NRG3: variants seen among roughly 807,000 people sequenced by gnomAD.
NRG3 encodes pro-neuregulin-3, membrane-bound isoform.
NRG3 carries 31 observed loss-of-function variants against 66.9 expected under a neutral mutation model. The observed-to-expected ratio is 0.46, with a 90% confidence interval of 0.35 to 0.63. The LOEUF (loss-of-function observed/expected upper bound fraction) is 0.63. Ranked by LOEUF, NRG3 falls within the 20% of genes least tolerant of loss-of-function variation. The pLI, the probability that NRG3 is intolerant of heterozygous loss-of-function variation, is 0.00. For synonymous variants in NRG3, 393 were observed against 359.4 expected (o/e 1.09, Z -1.06); for missense variants, 910 against 878.9 (o/e 1.04, Z -0.45).
intron 1 of NRG3, among the ~76,000 whole-genome samples, chr10:82,180,597 G>A (rs1308877624): frequency 2.0e-5 from 3 of 151,744 alleles, no homozygotes; most frequent in Admixed American, 1.3e-4. Context: ...AATTCCACTT[G>A]GTAAAAAAGT....
At position 82,368,224 on chromosome 10, in the gene NRG3, C is replaced by G. The variant is rs762485043; in HGVS notation, c.953+9356C>G. On this transcript the variant is annotated intron_variant, in intron 2 of 8. Coordinates refer to ENST00000372141, the MANE Select transcript of NRG3 (RefSeq NM_001010848.4). The stretch of plus-strand genomic sequence containing the variant: ...AGGTATTGTTACTTTATCTGCACAG[C>G]TTTGTTGACAGGTCAGTGTACTTGT... 8.7e-5 allele frequency among the ~76,000 whole-genome samples: 12 copies of G among 137,448 alleles called. 2 individuals carry two copies. Among genetic ancestry groups the G allele is most frequent in the Admixed American group, 1.4e-4 (2 of 14,602 alleles). The allele number at this position is 137,448 out of a possible 152,430, so 90.2% of individuals were successfully genotyped here.
chr10:82,283,076 G>A (rs1589583774), intron 1 of NRG3, among the ~76,000 whole-genome samples: 1 of 152,020 alleles, frequency 6.6e-6, no homozygotes, highest in African/African-American at 2.4e-5. Context: ...TCTACAACAC[G>A]AGTTCTCCTG....
intron 1 of NRG3, among the ~76,000 whole-genome samples, chr10:82,047,123 G>T (rs1350118467): frequency 6.6e-6 from 1 of 151,288 alleles, no homozygotes; most frequent in Non-Finnish European, 1.5e-5. Flanking sequence ...TCTATTGATT[G>T]GAATAGTTTC....
chr10:82,870,022 T>C (rs1841175935), intron 4 of NRG3, among the ~76,000 whole-genome samples: 1 of 150,514 alleles, frequency 6.6e-6, no homozygotes, highest in Non-Finnish European at 1.5e-5. Flanking sequence ...GTGTTTTCAT[T>C]GCTTAATAGC....
intron 1 of NRG3, among the ~76,000 whole-genome samples, chr10:82,219,396 G>T (rs1048142537): frequency 8.6e-5 from 13 of 151,494 alleles, no homozygotes; most frequent in African/African-American, 3.2e-4. Context: ...GGTCCAGACT[G>T]TAAAAATTAT....
At chr10:82,027,772 A>G (rs2062379320) in intron 1 of NRG3, among the ~76,000 whole-genome samples, 1 of 152,062 alleles carries the variant, frequency 6.6e-6, no homozygotes, top group Non-Finnish European at 1.5e-5. Flanking sequence ...TCAGTGTGGG[A>G]TTCTGAAAAG....
intron 1 of NRG3, among the ~76,000 whole-genome samples, chr10:82,209,883 C>T (rs1373664810): frequency 1.3e-5 from 2 of 151,900 alleles, no homozygotes; most frequent in Admixed American, 6.6e-5. Flanking sequence ...AATCTTGGGT[C>T]GTGTGAAGCA....
intron 3 of NRG3, among the ~76,000 whole-genome samples, chr10:82,773,428 G>A (rs917675121): frequency 6.6e-6 from 1 of 151,732 alleles, no homozygotes; most frequent in African/African-American, 2.4e-5. Context: ...TTTTTCCTTG[G>A]GTCATTTGAT....
At chr10:82,029,357 TGGG>T (rs2132859765) in intron 1 of NRG3, among the ~76,000 whole-genome samples, 1 of 152,266 alleles carries the variant, frequency 6.6e-6, no homozygotes, top group South Asian at 2.1e-4. Flanking sequence ...CCAAAGTGAA[TGGG>T]ATTAAATTAA....
chr10:82,690,409 C>T (rs1435885306), intron 2 of NRG3, among the ~76,000 whole-genome samples: 6 of 152,052 alleles, frequency 3.9e-5, no homozygotes, highest in Admixed American at 3.9e-4. Context: ...TAAGCTTTAT[C>T]AAATGGAGAA....
At chr10:82,857,343 AT>A (rs200748940) in intron 3 of NRG3, among the ~76,000 whole-genome samples, 1,871 of 152,316 alleles carry the variant, frequency 0.012, 36 homozygotes, top group African/African-American at 0.038. Flanking sequence ...TAAAGAGATC[AT>A]GCTCTGTAAC....
rs535812014 is a variant in NRG3 at position 81,932,766 on chromosome 10, T to C, written c.823+56603T>C. On this transcript the variant is annotated intron_variant, in intron 1 of 8. Coordinates refer to ENST00000372141, the MANE Select transcript of NRG3 (RefSeq NM_001010848.4). ...AAGATAGTAGGTGTTTGATAGCTTC[T>C]AGTCACCGTCCAAAGGGTCATGGTC... is the stretch of plus-strand genomic sequence containing the variant. Among the ~76,000 whole-genome samples, 5 of 152,306 alleles carry C rather than the reference T, an allele frequency of 3.3e-5. No homozygotes were observed. The East Asian group carries it at 9.7e-4, about 29-fold the overall frequency.
intron 4 of NRG3, among the ~76,000 whole-genome samples, chr10:82,920,379 G>T (rs1160518460): frequency 2.0e-5 from 3 of 152,132 alleles, no homozygotes; most frequent in African/African-American, 7.2e-5. Context: ...AATGATCCAT[G>T]TGGTAATTAA....
chr10:82,978,058 G>A (rs1289419640), intron 7 of NRG3, among the ~76,000 whole-genome samples: 2 of 152,156 alleles, frequency 1.3e-5, no homozygotes, highest in African/African-American at 4.8e-5. Flanking sequence ...TGCAGAACCA[G>A]TGTGACCACA....
chr10:81,957,218 G>C (rs1024273595), intron 1 of NRG3, among the ~76,000 whole-genome samples: 30 of 152,156 alleles, frequency 2.0e-4, no homozygotes, highest in African/African-American at 7.2e-4. Flanking sequence ...CCATCAACCA[G>C]GAACGCCTGC....
chr10:82,359,505 T>C (rs1193981199), intron 2 of NRG3, among the ~76,000 whole-genome samples: 1 of 152,206 alleles, frequency 6.6e-6, no homozygotes, highest in South Asian at 2.1e-4. Context: ...TTAATTGGTT[T>C]TTAGAGACAT....
At chr10:82,431,825 TA>T (rs1243608974) in intron 2 of NRG3, among the ~76,000 whole-genome samples, 5 of 152,114 alleles carry the variant, frequency 3.3e-5, no homozygotes, top group African/African-American at 7.2e-5. Flanking sequence ...AGAATATTCT[TA>T]AAAAAATGGA....
chr10:82,280,689 C>G (rs1434834526), intron 1 of NRG3, among the ~76,000 whole-genome samples: 2 of 152,172 alleles, frequency 1.3e-5, no homozygotes, highest in Non-Finnish European at 2.9e-5. Flanking sequence ...ATTTAGACTA[C>G]ACAAAATAAC....
intron 4 of NRG3, among the ~76,000 whole-genome samples, chr10:82,874,777 GTCTT>G (rs1564591204): frequency 1.3e-5 from 2 of 152,198 alleles, no homozygotes; most frequent in African/African-American, 4.8e-5. Flanking sequence ...ATTCAAATCT[GTCTT>G]TCTCCAGAGC....
Sources: gnomAD v4.1 joint callset for allele counts (sites outside exome capture counted in the v4.1 genomes callset) on GRCh38, gnomAD v4.1.1 for gene constraint, MANE v1.5 for transcripts, NCBI Gene and HGNC (gene_info 2026-07-23, HGNC 2026-07-21) for gene names.